ERI3: variants seen among roughly 807,000 people sequenced by gnomAD.
ERI3 encodes the protein ERI1 exoribonuclease 3.
Under a neutral mutation model 44.4 loss-of-function variants are expected in ERI3, and 18 were observed. That is an observed-to-expected ratio of 0.41 (90% confidence interval 0.28 to 0.60). The LOEUF (loss-of-function observed/expected upper bound fraction) is 0.60. ERI3 is among the 20% of genes least tolerant of loss of function. The pLI is 0.36. For missense variants in ERI3, 294 were observed against 435.5 expected, an observed-to-expected ratio of 0.68 and a Z score of 2.89; for synonymous variants, 183 against 164.8, an observed-to-expected ratio of 1.11 and a Z score of -0.84.
chr1:44,304,530 G>A (rs893375890), intron 6 of ERI3, among the ~76,000 whole-genome samples: 5 of 152,148 alleles, frequency 3.3e-5, no homozygotes, highest in South Asian at 2.1e-4. Context: ...GACTCAGCCC[G>A]ACCCGCAGCA....
intron 2 of ERI3, 75 bp from the exon 3 acceptor site, chr1:44,339,397 G>A (rs895229944): frequency 7.0e-7 from 1 of 1,421,688 alleles, no homozygotes; most frequent in African/African-American, 1.5e-5. Flanking sequence ...GAGAGCCTGG[G>A]TTACTCCCTC....
chr1:44,264,408 A>G (rs1043409378), intron 7 of ERI3, among the ~76,000 whole-genome samples: 4 of 152,216 alleles, frequency 2.6e-5, no homozygotes, highest in African/African-American at 9.7e-5. Flanking sequence ...GTGGCTTTAA[A>G]CACAGTTACA....
chr1:44,294,338 G>A (rs750672565), intron 6 of ERI3, among the ~76,000 whole-genome samples: 1 of 152,068 alleles, frequency 6.6e-6, no homozygotes, highest in Non-Finnish European at 1.5e-5. Flanking sequence ...TGCATATAGC[G>A]CCTCCCTGAT....
intron 7 of ERI3, among the ~76,000 whole-genome samples, chr1:44,277,432 C>G (rs1239983656): frequency 6.6e-6 from 1 of 152,240 alleles, no homozygotes; most frequent in African/African-American, 2.4e-5. Context: ...TGCCCCACCA[C>G]AGCTCTTGTC....
intron 6 of ERI3, among the ~76,000 whole-genome samples, chr1:44,305,781 T>C (rs1024592879): frequency 1.3e-5 from 2 of 152,170 alleles, no homozygotes; most frequent in Non-Finnish European, 1.5e-5. Flanking sequence ...AGGACAGCAA[T>C]GAGAAGGAAC....
chr1:44,343,130 C>G (rs1646718102), intron 2 of ERI3, among the ~76,000 whole-genome samples: 2 of 151,368 alleles, frequency 1.3e-5, no homozygotes, highest in Admixed American at 6.6e-5. Flanking sequence ...TATCAGAAAG[C>G]AAGGAAACAC....
At chr1:44,242,273 G>A (rs964438740) in intron 8 of ERI3, among the ~76,000 whole-genome samples, 8 of 152,210 alleles carry the variant, frequency 5.3e-5, no homozygotes, top group Non-Finnish European at 1.2e-4. Context: ...AAAGCTGGGG[G>A]AAGCAGGCAA....
chr1:44,313,632 T>C (rs1359972858), intron 4 of ERI3, among the ~76,000 whole-genome samples: 1 of 152,132 alleles, frequency 6.6e-6, no homozygotes, highest in Non-Finnish European at 1.5e-5. Flanking sequence ...TCACAGAAGT[T>C]CCCGTAAAAC....
At chr1:44,255,295 T>G (rs1270360731) in intron 7 of ERI3, among the ~76,000 whole-genome samples, 2 of 152,216 alleles carry the variant, frequency 1.3e-5, no homozygotes, top group South Asian at 2.1e-4. Flanking sequence ...GCCCCACATC[T>G]GTGGACAGTT....
intron 2 of ERI3, among the ~76,000 whole-genome samples, chr1:44,343,521 T>C (rs779175247): frequency 3.9e-5 from 6 of 152,146 alleles, no homozygotes; most frequent in South Asian, 4.1e-4. Flanking sequence ...CAAACCCTAA[T>C]TGAGAGACAA....
chr1:44,234,862 C>A (rs1216260739), intron 8 of ERI3, among the ~76,000 whole-genome samples: 4 of 151,992 alleles, frequency 2.6e-5, no homozygotes, highest in African/African-American at 4.8e-5. Context: ...CGTGCCTCAG[C>A]CTCCCAAGTA....
chr1:44,296,962 A>G (rs914644610), intron 6 of ERI3, among the ~76,000 whole-genome samples: 1 of 152,188 alleles, frequency 6.6e-6, no homozygotes. Flanking sequence ...GCACCCTGAC[A>G]TGCCTCTGAA....
chr1:44,322,848 C>T (rs1364790728), intron 3 of ERI3: 2 of 1,548,084 alleles, frequency 1.3e-6, no homozygotes, highest in Non-Finnish European at 1.7e-6. Context: ...GCAGCCAGGG[C>T]ACCTGAAGCA....
chr1:44,316,475 G>A (rs1016021286), intron 4 of ERI3, among the ~76,000 whole-genome samples: 3 of 152,204 alleles, frequency 2.0e-5, no homozygotes, highest in Non-Finnish European at 4.4e-5. Flanking sequence ...GTCCAGGAAT[G>A]AGCTGGCTTC....
intron 7 of ERI3, among the ~76,000 whole-genome samples, chr1:44,282,770 A>T (rs1437084053): frequency 1.3e-5 from 2 of 152,174 alleles, no homozygotes; most frequent in African/African-American, 4.8e-5. Flanking sequence ...TGCTCAGCTT[A>T]CCTCACACGA....
rs1415453377 is a variant in ERI3 at position 44,241,375 on chromosome 1, AC to A, written c.931+6563del. On this transcript the variant is annotated intron_variant, in intron 8 of 8. Transcript: ENST00000372257. The surrounding 1 kb of genome is among the most constrained non-coding windows in gnomAD (Gnocchi z 5.6). ...CAGTCCCTTATCTGCCCTGTCAATC[AC>A]TCAATCACCGCCCAGTGCTTGGTGG... Among the ~76,000 whole-genome samples, 1 of 151,964 alleles carries A rather than the reference AC, an allele frequency of 6.6e-6. No individual in the cohort carries two copies. Among genetic ancestry groups the A allele is most frequent in the Non-Finnish European group, 1.5e-5 (1 of 67,986 alleles).
chr1:44,322,761 C>G (rs1250103734), intron 3 of ERI3: 1 of 1,549,892 alleles, frequency 6.5e-7, no homozygotes, highest in African/African-American at 1.4e-5. Flanking sequence ...CCATACTTCC[C>G]AGAACCTCAA....
intron 5 of ERI3, among the ~76,000 whole-genome samples, chr1:44,311,314 T>A (rs1645967985): frequency 6.6e-6 from 1 of 152,072 alleles, no homozygotes; most frequent in African/African-American, 2.4e-5. Context: ...CAGCAGCTAT[T>A]CAGTGAGCAC....
intron 7 of ERI3, among the ~76,000 whole-genome samples, chr1:44,283,564 G>A (rs1645331431): frequency 6.6e-6 from 1 of 152,222 alleles, no homozygotes; most frequent in East Asian, 1.9e-4. Context: ...CCAGGGGAGT[G>A]CGTAGCTTTT....
Sources: gnomAD v4.1 joint callset for allele counts (sites outside exome capture counted in the v4.1 genomes callset) on GRCh38, gnomAD v4.1.1 for gene constraint, Gnocchi (gnomAD v3.1) non-coding constraint, MANE v1.5 for transcripts, NCBI Gene and HGNC (gene_info 2026-07-23, HGNC 2026-07-21) for gene names.